PRDM10: variants seen among roughly 807,000 people sequenced by gnomAD.
PRDM10 encodes the protein PR/SET domain 10.
A neutral mutation model predicts 133.1 loss-of-function variants in PRDM10; 65 were observed. The observed-to-expected ratio is 0.49, with a 90% CI of 0.40 to 0.60. The LOEUF is 0.60. Ranked by LOEUF, PRDM10 falls within the 20% of genes least tolerant of loss-of-function variation. PRDM10 has a pLI of 0.00. For missense variants in PRDM10, 1,137 were observed against 1,507.1 expected (o/e 0.75, Z 4.07); for synonymous variants, 582 against 580.4 (o/e 1.00, Z -0.04).
At position 129,983,948 on chromosome 11, in the gene PRDM10, G is replaced by A. The variant is rs553338615; in HGVS notation, c.-119+18774C>T. On this transcript the variant is annotated intron_variant, in intron 1 of 20. Transcript: ENST00000360871. ...GAGGGAACCCGACATGAATGCTGCCGGATCTCCCTTCAAATTCAGGACCAC... is the reference window on the plus strand; with the variant it reads ...GAGGGAACCCGACATGAATGCTGCCAGATCTCCCTTCAAATTCAGGACCAC... 1.6e-4 allele frequency among the ~76,000 whole-genome samples: 24 copies of A among 152,236 alleles called. 2 individuals carry two copies. The highest frequency in any genetic ancestry group is 3.4e-3 in the Middle Eastern group (1 of 294).
At chr11:129,958,627 A>G (rs1337811710) in intron 2 of PRDM10, among the ~76,000 whole-genome samples, 1 of 152,176 alleles carries the variant, frequency 6.6e-6, no homozygotes, top group Admixed American at 6.5e-5. Flanking sequence ...CTGGGTGAGA[A>G]GAGTGAAACT....
intron 1 of PRDM10, 112 bp from the exon 2 acceptor site, chr11:129,961,194 T>C (rs982260877): frequency 2.1e-6 from 1 of 468,438 alleles, no homozygotes; most frequent in South Asian, 4.6e-5. Flanking sequence ...GCAACACGCC[T>C]GGGCAAAAAA....
chr11:129,918,821 G>T lies in PRDM10; in HGVS notation c.2035-103C>A. The stretch of plus-strand genomic sequence containing the variant: ...CAATACAAATTAGCAGTCACCACAA[G>T]CCTCCAAGAGACATTTGAGTTGCTG... On this transcript the variant is annotated intron_variant, in intron 13 of 20. Coordinates refer to ENST00000360871, the MANE Select transcript of PRDM10 (RefSeq NM_199437.2). The surrounding 1 kb of genome is among the most constrained non-coding windows in gnomAD (Gnocchi z 5.3). 1 of 1,181,378 alleles carries T rather than the reference G, an allele frequency of 8.5e-7. No individual in the cohort carries two copies. The highest frequency in any genetic ancestry group is 1.2e-6 in the Non-Finnish European group (1 of 831,726). 73.2% of individuals were successfully genotyped at this position (1,181,378 alleles called of 1,614,324 possible).
chr11:129,901,073 G>A lies in PRDM10; in HGVS notation c.*1240C>T, dbSNP rs1949831668. ...AAAATGTGTTAGCATGTCACAAAAAGTTAAAATATATACTGATTTTTTAAT... is the reference window on the plus strand; with the variant it reads ...AAAATGTGTTAGCATGTCACAAAAAATTAAAATATATACTGATTTTTTAAT... On this transcript the variant is annotated 3_prime_UTR_variant, in exon 21 of 21. Coordinates refer to ENST00000360871, the MANE Select transcript of PRDM10 (RefSeq NM_199437.2). 1 of 152,516 alleles carries A rather than the reference G, an allele frequency of 6.6e-6. No individual in the cohort carries two copies. Among genetic ancestry groups the A allele is most frequent in the African/African-American group, 2.4e-5 (1 of 41,428 alleles). The allele number at this position is 152,516 out of a possible 1,614,324, so 9.4% of individuals were successfully genotyped here.
intron 13 of PRDM10, among the ~76,000 whole-genome samples, chr11:129,919,984 A>G (rs1198483720): frequency 1.3e-5 from 2 of 152,182 alleles, no homozygotes; most frequent in East Asian, 3.9e-4. Flanking sequence ...AGGCTACAGT[A>G]GGATTTGGAT....
chr11:129,945,550 G>A lies in PRDM10; in HGVS notation c.521-538C>T, dbSNP rs148890320. Among the ~76,000 whole-genome samples the A allele has an allele frequency of 1.0e-3, 152 of 152,300 alleles. 2 individuals carry two copies. In the Middle Eastern group the frequency reaches 0.01, roughly 10 times the overall value. ...GCGGTCTGAGAGTTCAGTGCATACT[G>A]TCTGATTAGATAATGCTAAAATGAA... is the stretch of plus-strand genomic sequence containing the variant. On this transcript the variant is annotated intron_variant, in intron 5 of 20. Transcript: ENST00000360871. The surrounding 1 kb of genome is among the most constrained non-coding windows in gnomAD (Gnocchi z 4.2).
chr11:129,974,026 G>T (rs1236632355), intron 1 of PRDM10, among the ~76,000 whole-genome samples: 1 of 152,212 alleles, frequency 6.6e-6, no homozygotes, highest in Non-Finnish European at 1.5e-5. Flanking sequence ...GAGCCACCCA[G>T]CCCGGCTTCC....
chr11:129,937,589 T>C lies in PRDM10; in HGVS notation c.1039+9A>G. 1 of 1,611,720 alleles carries C rather than the reference T, an allele frequency of 6.2e-7. No homozygotes were observed. Among genetic ancestry groups the C allele is most frequent in the Non-Finnish European group, 8.5e-7 (1 of 1,178,718 alleles). The stretch of plus-strand genomic sequence containing the variant: ...ATATAGAAAATGTAAAACATAAACG[T>C]CTAACCACCTTTCCTTTCTTCCTCA... On this transcript the variant is annotated intron_variant, in intron 8 of 20. Transcript: ENST00000360871.
chr11:129,905,836 T>C lies in PRDM10; in HGVS notation c.3164-95A>G, dbSNP rs912700463. The C allele has an allele frequency of 5.8e-4, 594 of 1,031,066 alleles. 2 individuals carry two copies. Among genetic ancestry groups the C allele is most frequent in the Non-Finnish European group, 8.1e-4 (550 of 682,286 alleles). The allele number at this position is 1,031,066 out of a possible 1,614,324, so 63.9% of individuals were successfully genotyped here. A position where few individuals can be genotyped will look rare whatever the true frequency, so the allele number is the denominator to read the frequency against. On this transcript the variant is annotated intron_variant, in intron 19 of 20. Transcript: ENST00000360871. ...AACCAGTAGCCACAGTCCGCACTGATTTGCTTGCCATGAGAGTCTCACAAT... is the reference window on the plus strand; with the variant it reads ...AACCAGTAGCCACAGTCCGCACTGACTTGCTTGCCATGAGAGTCTCACAAT...
Position 129,917,228 on chromosome 11 carries a change from AG to A in PRDM10, c.2223del (p.Leu742TyrfsTer8). On this transcript the variant is annotated frameshift_variant, in exon 15 of 21. Coordinates refer to ENST00000360871, the MANE Select transcript of PRDM10 (RefSeq NM_199437.2). LOFTEE classifies it high-confidence loss of function. The stretch of plus-strand genomic sequence containing the variant: ...TTCATGTCTGGGTGTCTCTTCGATA[AG>A]TGATTTACCTAAAGGGAAAAGAAAG... ...GFRRRGMLVN[H>X]LSKRHPDMKI... 6.2e-7 allele frequency: 1 copy of A among 1,610,520 alleles called. No individual in the cohort carries two copies. Among genetic ancestry groups the A allele is most frequent in the Non-Finnish European group, 8.5e-7 (1 of 1,176,884 alleles).
At chr11:129,916,861 T>C (rs1275555620) in intron 15 of PRDM10, among the ~76,000 whole-genome samples, 1 of 152,140 alleles carries the variant, frequency 6.6e-6, no homozygotes, top group Admixed American at 6.5e-5. Context: ...CACTAAGCAC[T>C]AGTAATAAAC....
intron 2 of PRDM10, among the ~76,000 whole-genome samples, chr11:129,958,136 C>T (rs1277871396): frequency 6.6e-6 from 1 of 152,164 alleles, no homozygotes; most frequent in East Asian, 1.9e-4. Flanking sequence ...ATGGCCAATG[C>T]AGATAACTCT....
At chr11:129,967,119 G>A (rs1314404116) in intron 1 of PRDM10, among the ~76,000 whole-genome samples, 3 of 152,122 alleles carry the variant, frequency 2.0e-5, no homozygotes, top group Non-Finnish European at 2.9e-5. Context: ...AGCCGGGCGC[G>A]GTGGCTCATG....
chr11:129,900,184 GC>G lies in PRDM10; in HGVS notation c.*2128del, dbSNP rs1227792247. ...TAAGTTTTCTGATGGCTCATCATTT[GC>G]CATCTCTTCAAATCCAGGTCCTTTT... On this transcript the variant is annotated 3_prime_UTR_variant, in exon 21 of 21. Transcript: ENST00000360871. 6.6e-6 allele frequency: 1 copy of G among 152,172 alleles called. No homozygotes were observed. Among genetic ancestry groups the G allele is most frequent in the Non-Finnish European group, 1.5e-5 (1 of 68,036 alleles). 9.4% of individuals were successfully genotyped at this position (152,172 alleles called of 1,614,324 possible).
At position 129,942,628 on chromosome 11, in the gene PRDM10, ACCTGC is replaced by A; in HGVS notation, c.763-4_763del. 6.2e-7 allele frequency: 1 copy of A among 1,604,092 alleles called. No individual in the cohort carries two copies. The highest frequency in any genetic ancestry group is 1.7e-5 in the Admixed American group (1 of 57,616). On this transcript the variant is annotated splice_acceptor_variant and splice_polypyrimidine_tract_variant and coding_sequence_variant and intron_variant, in exon 7 of 21. Coordinates refer to ENST00000360871, the MANE Select transcript of PRDM10 (RefSeq NM_199437.2). LOFTEE classifies it high-confidence loss of function. Reference sequence around the variant, plus strand: ...TTTCCTGTCCCCTTTATCAAGAGAAACCTGCACGAAAAAAAAGCCACACCAAAAAC... The same window carrying A: ...TTTCCTGTCCCCTTTATCAAGAGAAAACGAAAAAAAAGCCACACCAAAAAC...
intron 1 of PRDM10, among the ~76,000 whole-genome samples, chr11:129,982,980 A>AT (rs1042093734): frequency 1.3e-5 from 2 of 150,504 alleles, no homozygotes; most frequent in Admixed American, 6.6e-5. Context: ...TCTTTAAAAA[A>AT]TTTTTTTTTT....
chr11:129,933,491 T>C (rs1030667901), intron 9 of PRDM10, among the ~76,000 whole-genome samples: 4 of 152,178 alleles, frequency 2.6e-5, no homozygotes, highest in Non-Finnish European at 4.4e-5. Context: ...ATGACCACAA[T>C]ACCATTATCA....
chr11:129,938,586 C>T (rs184787165), intron 7 of PRDM10, among the ~76,000 whole-genome samples: 85 of 152,272 alleles, frequency 5.6e-4, no homozygotes, highest in Middle Eastern at 6.8e-3. Flanking sequence ...TTCTGACTGG[C>T]CTCTCCTTTT....
chr11:129,911,437 C>A (rs1226271844), intron 18 of PRDM10, among the ~76,000 whole-genome samples: 1 of 152,212 alleles, frequency 6.6e-6, no homozygotes, highest in East Asian at 1.9e-4. Context: ...ATGAGGCCAG[C>A]GCTCTCCAGC....
Sources: gnomAD v4.1 joint callset for allele counts (sites outside exome capture counted in the v4.1 genomes callset) on GRCh38, gnomAD v4.1.1 for gene constraint, Gnocchi (gnomAD v3.1) non-coding constraint, MANE v1.5 for transcripts, NCBI Gene and HGNC (gene_info 2026-07-23, HGNC 2026-07-21) for gene names.